ITPR2: variants seen among roughly 807,000 people sequenced by gnomAD.
ITPR2 encodes the protein inositol 1,4,5-trisphosphate-gated calcium channel ITPR2.
Under a neutral mutation model 317.1 loss-of-function variants are expected in ITPR2, and 207 were observed. That is an observed-to-expected ratio of 0.65 (90% confidence interval 0.58 to 0.73). The LOEUF is 0.73. ITPR2 is among the 30% of genes least tolerant of loss of function. The pLI is 0.00. For missense variants in ITPR2, 2,613 were observed against 3,284.0 expected (o/e 0.80, Z 4.99); for synonymous variants, 1,156 against 1,149.1 (o/e 1.01, Z -0.12).
chr12:26,713,254 A>G (rs1157592453), intron 8 of ITPR2, among the ~76,000 whole-genome samples: 3 of 152,158 alleles, frequency 2.0e-5, no homozygotes, highest in African/African-American at 7.2e-5. Flanking sequence ...CCTTCCAATC[A>G]TGTTGAACGT....
chr12:26,439,336 G>T lies in ITPR2; in HGVS notation c.6451-17C>A. The stretch of plus-strand genomic sequence containing the variant: ...CCGGACAATCTGAAAACATTAATTT[G>T]CATTGTTTTTAGCCTTTCGGACACC... On this transcript the variant is annotated splice_polypyrimidine_tract_variant and intron_variant, in intron 46 of 56. Transcript: ENST00000381340. 2 of 1,576,344 alleles carry T rather than the reference G, an allele frequency of 1.3e-6. No individual in the cohort carries two copies. Among genetic ancestry groups the T allele is most frequent in the African/African-American group, 1.4e-5 (1 of 73,562 alleles).
At chr12:26,728,061 G>A (rs1948963039) in intron 2 of ITPR2, among the ~76,000 whole-genome samples, 1 of 152,096 alleles carries the variant, frequency 6.6e-6, no homozygotes, top group African/African-American at 2.4e-5. Context: ...GATCTACAGT[G>A]TTATGTTCTA....
At chr12:26,460,310 T>C (rs1941985178) in intron 45 of ITPR2, among the ~76,000 whole-genome samples, 2 of 152,254 alleles carry the variant, frequency 1.3e-5, no homozygotes, top group South Asian at 2.1e-4. Flanking sequence ...GATTCTCACA[T>C]GGCCTTACGG....
chr12:26,387,361 G>A, intron 55 of ITPR2, 73 bp downstream of exon 55: 1 of 1,369,108 alleles, frequency 7.3e-7, no homozygotes, highest in Non-Finnish European at 1.0e-6. Context: ...ATTTTGGGAG[G>A]ATGGTAGGGT....
At chr12:26,518,897 A>T (rs76590614) in intron 37 of ITPR2, among the ~76,000 whole-genome samples, 3,104 of 152,262 alleles carry the variant, frequency 0.02, 98 homozygotes, top group African/African-American at 0.071. Flanking sequence ...TTCTATGATC[A>T]ACAAGATTTT....
chr12:26,599,083 G>T, intron 30 of ITPR2, 62 bp downstream of exon 30: 2 of 1,443,326 alleles, frequency 1.4e-6, no homozygotes, highest in Non-Finnish European at 1.9e-6. Context: ...CACTGTAATA[G>T]AAAATGCATA....
chr12:26,459,870 C>T (rs907075348), intron 45 of ITPR2, among the ~76,000 whole-genome samples: 1 of 152,208 alleles, frequency 6.6e-6, no homozygotes, highest in African/African-American at 2.4e-5. Context: ...ACACCTCCAA[C>T]CCAGTGTCCC....
chr12:26,621,296 C>T lies in ITPR2; in HGVS notation c.3289G>A (p.Val1097Met). Residue 1097 changes from valine (V) to methionine (M), a missense_variant and splice_region_variant, in exon 26 of 57, where the codon GTG becomes ATG. Transcript: ENST00000381340. ...RAEVLQAFKQ[V>M]QLLVSNQDVD... ...TCTTGATTAGACACCAGTAATTGCA[C>T]CTAAAACAGAAGAATTTCAATCTTA... is the stretch of plus-strand genomic sequence containing the variant. 5 of 1,598,780 alleles carry T rather than the reference C, an allele frequency of 3.1e-6. No homozygotes were observed. Among genetic ancestry groups the T allele is most frequent in the South Asian group, 1.1e-5 (1 of 88,122 alleles).
At chr12:26,581,807 G>A (rs544398837) in intron 32 of ITPR2, among the ~76,000 whole-genome samples, 80 of 152,062 alleles carry the variant, frequency 5.3e-4, no homozygotes, top group Non-Finnish European at 9.3e-4. Context: ...TGATACATAG[G>A]TTAAAAATAT....
At position 26,605,126 on chromosome 12, in the gene ITPR2, A is replaced by AAAAAAAATATATATATATATATATATAT. The variant is rs1555165395; in HGVS notation, c.3463-2421_3463-2420insATATATATATATATATATATATTTTTTT. 7.8e-3 allele frequency among the ~76,000 whole-genome samples: 1,055 copies of AAAAAAAATATATATATATATATATATAT among 135,678 alleles called. 19 individuals carry two copies. Among genetic ancestry groups the AAAAAAAATATATATATATATATATATAT allele is most frequent in the Middle Eastern group, 0.024 (6 of 246 alleles). 89.0% of individuals were successfully genotyped at this position (135,678 alleles called of 152,430 possible). A position where few individuals can be genotyped will look rare whatever the true frequency, so the allele number is the denominator to read the frequency against. On this transcript the variant is annotated intron_variant, in intron 26 of 56. Transcript: ENST00000381340. ...ATAAAAATAAAAAATAAAAAATAAA[A>AAAAAAAATATATATATATATATATATAT]ATATATATATATATATGAGAAAGTG...
chr12:26,615,196 C>T (rs1946348973), intron 26 of ITPR2, among the ~76,000 whole-genome samples: 1 of 151,944 alleles, frequency 6.6e-6, no homozygotes, highest in African/African-American at 2.4e-5. Flanking sequence ...GTGAGAATAA[C>T]AAGAAAATCT....
In ITPR2 at chr12:26,663,827, G is replaced by A; in HGVS notation, c.1571C>T (p.Ala524Val). ...ILAQVFGILK[A>V]PFKEKAGEGS... ...TTCTCCTGCTTTCTCTTTAAAGGGT[G>A]CTTTAAGAATTCCAAATACCTATCA... is the stretch of plus-strand genomic sequence containing the variant. The change falls in exon 15 of 57, where the codon GCA (alanine) becomes GTA (valine). Residue 524 changes from alanine to valine, a missense_variant. Transcript: ENST00000381340. 1.2e-6 allele frequency: 2 copies of A among 1,610,252 alleles called. No homozygotes were observed. The highest frequency in any genetic ancestry group is 1.1e-5 in the South Asian group (1 of 90,182).
At chr12:26,661,954 A>G (rs953699393) in intron 15 of ITPR2, among the ~76,000 whole-genome samples, 4 of 152,210 alleles carry the variant, frequency 2.6e-5, no homozygotes, top group Admixed American at 6.5e-5. Flanking sequence ...AAGGAACCCA[A>G]TGAAGTCCGG....
chr12:26,715,907 T>A, intron 6 of ITPR2, 72 bp from the exon 7 acceptor site: 7 of 1,098,710 alleles, frequency 6.4e-6, no homozygotes, highest in Non-Finnish European at 9.6e-6. Context: ...TTAGTTCAAC[T>A]AGTAAAAGGA....
At chr12:26,423,388 T>G (rs2055468) in intron 49 of ITPR2, among the ~76,000 whole-genome samples, 19,514 of 152,116 alleles carry the variant, frequency 0.13, 1,934 homozygotes, top group East Asian at 0.37. Flanking sequence ...AGTGGCTCAT[T>G]GTTAGTAGAC....
At chr12:26,682,761 A>G (rs985784232) in intron 11 of ITPR2, 88 bp from the exon 12 acceptor site, 7 of 749,846 alleles carry the variant, frequency 9.3e-6, no homozygotes, top group Non-Finnish European at 1.6e-5. Context: ...ATATTATATG[A>G]ACATAAATAC....
At chr12:26,644,764 T>G (rs6487567) in intron 21 of ITPR2, among the ~76,000 whole-genome samples, 123,679 of 152,004 alleles carry the variant, frequency 0.81, 50,594 homozygotes, top group East Asian at 0.92. Context: ...CAATTCAAGA[T>G]GAGATTCAGG....
rs1940815247 is a variant in ITPR2 at position 26,419,218 on chromosome 12, AG to A, written c.6946-6del. Reference sequence around the variant, plus strand: ...AAAAACAATTTTATTACAAAGCTAAAGGGAGGAAAGGGTTACAGATTACTGT... The same window carrying A: ...AAAAACAATTTTATTACAAAGCTAAAGGAGGAAAGGGTTACAGATTACTGT... On this transcript the variant is annotated splice_region_variant and splice_polypyrimidine_tract_variant and intron_variant, in intron 49 of 56. Transcript: ENST00000381340. The A allele has an allele frequency of 1.2e-6, 2 of 1,612,894 alleles. No homozygotes were observed. Among genetic ancestry groups the A allele is most frequent in the Non-Finnish European group, 1.7e-6 (2 of 1,179,194 alleles).
At chr12:26,661,271 T>G (rs1308020202) in intron 15 of ITPR2, among the ~76,000 whole-genome samples, 201 of 5,028 alleles carry the variant, frequency 0.04, 2 homozygotes, top group South Asian at 0.087. Context: ...TAGGGGTGTG[T>G]GTGTGGGGGG....
Sources: gnomAD v4.1 joint callset for allele counts (sites outside exome capture counted in the v4.1 genomes callset) on GRCh38, gnomAD v4.1.1 for gene constraint, MANE v1.5 for transcripts, NCBI Gene and HGNC (gene_info 2026-07-23, HGNC 2026-07-21) for gene names.